COLGALT2: variants seen among roughly 807,000 people sequenced by gnomAD.
COLGALT2 encodes collagen beta(1-O)galactosyltransferase 2.
In COLGALT2, 49 loss-of-function variants were observed where a neutral mutation model predicts 73.4. That is an observed-to-expected ratio of 0.67 (90% CI 0.53 to 0.85). The LOEUF (loss-of-function observed/expected upper bound fraction) is 0.85. Ranked by LOEUF, COLGALT2 falls within the 40% of genes least tolerant of loss-of-function variation. The pLI is 0.00. For missense variants in COLGALT2, 722 were observed against 790.2 expected, an observed-to-expected ratio of 0.91 and a Z score of 1.03; for synonymous variants, 295 against 307.6, an observed-to-expected ratio of 0.96 and a Z score of 0.43.
At chr1:183,959,746 C>T (rs988634916) in intron 6 of COLGALT2, among the ~76,000 whole-genome samples, 3 of 152,066 alleles carry the variant, frequency 2.0e-5, no homozygotes, top group African/African-American at 7.2e-5. Context: ...TCCACGGATT[C>T]CCATTACTCT....
chr1:183,978,269 G>A (rs982151434), intron 2 of COLGALT2, 141 bp downstream of exon 2: 3 of 528,170 alleles, frequency 5.7e-6, no homozygotes, highest in African/African-American at 2.0e-5. Context: ...AGGGAGAAAT[G>A]GCAGATATTC....
chr1:183,973,504 T>C, intron 4 of COLGALT2, 112 bp downstream of exon 4: 1 of 1,358,232 alleles, frequency 7.4e-7, no homozygotes, highest in African/African-American at 1.5e-5. Context: ...GGGAACACAA[T>C]GACACGCATG....
chr1:184,031,910 C>A (rs546354670), intron 1 of COLGALT2, among the ~76,000 whole-genome samples: 1 of 140,328 alleles, frequency 7.1e-6, no homozygotes, highest in African/African-American at 2.6e-5. Flanking sequence ...TTTTTCTTTT[C>A]TTTTGAGACA....
Position 183,945,426 on chromosome 1 carries a change from A to AAATCCCT in COLGALT2, c.1269+5_1269+6insAGGGATT. 6.2e-7 allele frequency: 1 copy of AAATCCCT among 1,613,630 alleles called. No homozygotes were observed. The highest frequency in any genetic ancestry group is 1.3e-5 in the African/African-American group (1 of 75,012). On this transcript the variant is annotated splice_donor_region_variant and intron_variant, in intron 9 of 11. Transcript: ENST00000361927. The stretch of plus-strand genomic sequence containing the variant: ...AAAACTGCAATCTGAATAAAGCATT[A>AAATCCCT]TTTACCTCTTTCCAGACTGAGTAGT...
chr1:183,954,841 G>C lies in COLGALT2; in HGVS notation c.953-3C>G. ...GGGTTCCATTGGAGGACGGTCAACT[G>C]GAAGACACAAGAAACATGCAGAGTG... On this transcript the variant is annotated splice_polypyrimidine_tract_variant and splice_region_variant and intron_variant, in intron 6 of 11. Transcript: ENST00000361927. 1 of 1,610,370 alleles carries C rather than the reference G, an allele frequency of 6.2e-7. No individual in the cohort carries two copies. Among genetic ancestry groups the C allele is most frequent in the South Asian group, 1.1e-5 (1 of 90,978 alleles).
intron 10 of COLGALT2, among the ~76,000 whole-genome samples, chr1:183,942,610 T>G (rs959010816): frequency 2.0e-5 from 3 of 152,236 alleles, no homozygotes; most frequent in Non-Finnish European, 4.4e-5. Flanking sequence ...AGATGTAATG[T>G]GGCAATCATG....
intron 1 of COLGALT2, among the ~76,000 whole-genome samples, chr1:183,990,728 G>A (rs991383609): frequency 2.0e-5 from 3 of 152,224 alleles, no homozygotes; most frequent in Admixed American, 6.5e-5. Flanking sequence ...GGATGAAAGA[G>A]TCTGATGTGT....
chr1:183,953,787 A>T lies in COLGALT2; in HGVS notation c.1029+975T>A, dbSNP rs186967719. On this transcript the variant is annotated intron_variant, in intron 7 of 11. Coordinates refer to ENST00000361927, the MANE Select transcript of COLGALT2 (RefSeq NM_015101.4). ...ATGAAATATTCTTTCCCCCTTCCTG[A>T]AGTATAGCTCCAAATCAGTCTTACG... Among the ~76,000 whole-genome samples, 365 of 152,310 alleles carry T rather than the reference A, an allele frequency of 2.4e-3. 4 individuals carry two copies. Among genetic ancestry groups the T allele is most frequent in the African/African-American group, 8.5e-3 (353 of 41,552 alleles).
chr1:183,969,379 A>G lies in COLGALT2; in HGVS notation c.722T>C (p.Ile241Thr). The G allele has an allele frequency of 4.3e-6, 7 of 1,613,968 alleles. No homozygotes were observed. Among genetic ancestry groups the G allele is most frequent in the Non-Finnish European group, 5.9e-6 (7 of 1,179,882 alleles). The change falls in exon 5 of 12, where the codon ATT (isoleucine) becomes ACT (threonine). Residue 241 changes from isoleucine to threonine, a missense_variant. Physicochemically the swap from Ile to Thr is moderately conservative, Grantham distance 89 (BLOSUM62 -1). Coordinates refer to ENST00000361927, the MANE Select transcript of COLGALT2 (RefSeq NM_015101.4). ...PVPMVHSTFLIDLRKEASDKL... is the reference protein window; with the variant it reads ...PVPMVHSTFLTDLRKEASDKL... ...GTCCGAGGCCTCCTTCCTGAGGTCA[A>G]TTAGGAAGGTGGAGTGGACCATGGG...
chr1:183,966,990 A>T (rs1670893769), intron 5 of COLGALT2, among the ~76,000 whole-genome samples: 1 of 152,236 alleles, frequency 6.6e-6, no homozygotes, highest in African/African-American at 2.4e-5. Flanking sequence ...GAGCTTCAGA[A>T]GAGTGAGAAC....
intron 1 of COLGALT2, among the ~76,000 whole-genome samples, chr1:184,017,774 C>A (rs759781896): frequency 3.3e-5 from 5 of 152,174 alleles, no homozygotes; most frequent in Non-Finnish European, 5.9e-5. Flanking sequence ...TCACAGTTAA[C>A]CACTTCTGGG....
chr1:184,024,366 T>C (rs926490997), intron 1 of COLGALT2, among the ~76,000 whole-genome samples: 8 of 151,966 alleles, frequency 5.3e-5, no homozygotes, highest in Middle Eastern at 3.4e-3. Context: ...TTTTCTTTTT[T>C]TTTTTTGACA....
chr1:183,945,774 G>A (rs1254388277), intron 8 of COLGALT2: 2 of 586,868 alleles, frequency 3.4e-6, no homozygotes, highest in East Asian at 5.7e-5. Flanking sequence ...ATATTTTTGT[G>A]TATCCCTCAT....
At chr1:183,992,259 C>G (rs1038885414) in intron 1 of COLGALT2, among the ~76,000 whole-genome samples, 2 of 152,220 alleles carry the variant, frequency 1.3e-5, no homozygotes, top group African/African-American at 4.8e-5. Context: ...ATAAGTCAGA[C>G]AGCTGGACTC....
chr1:183,970,025 C>A (rs1670993662), intron 4 of COLGALT2, among the ~76,000 whole-genome samples: 1 of 152,200 alleles, frequency 6.6e-6, no homozygotes, highest in Admixed American at 6.5e-5. Context: ...AATGTATCAG[C>A]AAATACCGGC....
At chr1:183,971,053 G>A (rs1307910298) in intron 4 of COLGALT2, among the ~76,000 whole-genome samples, 4 of 152,128 alleles carry the variant, frequency 2.6e-5, no homozygotes. Context: ...TTGGGGTGGG[G>A]GTGAGAAGGA....
At chr1:183,980,219 T>A (rs1270962662) in intron 1 of COLGALT2, among the ~76,000 whole-genome samples, 3 of 151,728 alleles carry the variant, frequency 2.0e-5, no homozygotes, top group Non-Finnish European at 4.4e-5. Context: ...AGCAAACATA[T>A]ATAAAGAAAT....
intron 10 of COLGALT2, among the ~76,000 whole-genome samples, chr1:183,941,435 G>A (rs143448647): frequency 2.4e-4 from 37 of 152,242 alleles, no homozygotes; most frequent in African/African-American, 7.5e-4. Flanking sequence ...GGCACCTTCC[G>A]TCCTCCGTGA....
chr1:183,957,152 G>A (rs1416135992), intron 6 of COLGALT2, among the ~76,000 whole-genome samples: 1 of 150,808 alleles, frequency 6.6e-6, no homozygotes, highest in Non-Finnish European at 1.5e-5. Flanking sequence ...AGTTCTGTGA[G>A]TGATATATAT....
Sources: allele counts gnomAD v4.1 joint callset (sites outside exome capture counted in the v4.1 genomes callset), GRCh38; gene constraint gnomAD v4.1.1; transcripts MANE v1.5; gene names NCBI Gene and HGNC (gene_info 2026-07-23, HGNC 2026-07-21).